Variants in ZDBF2 observed in about 807,000 individuals in gnomAD.
The protein encoded by ZDBF2 is zinc finger DBF-type containing 2.
In ZDBF2, 6 loss-of-function variants were observed where a neutral mutation model predicts 9.4. The ratio of observed to expected loss-of-function variants is 0.64; its 90% CI spans 0.35 to 1.27. The LOEUF (loss-of-function observed/expected upper bound fraction) is 1.27. Among genes scored for constraint, ZDBF2 ranks in the 50% most tolerant of loss-of-function variants. The probability of loss-of-function intolerance (pLI) is 0.03; values close to 1 mark genes in which losing one functional copy is unlikely to be tolerated. For missense variants in ZDBF2, 2,697 were observed against 2,766.8 expected (o/e 0.97, Z 0.57); for synonymous variants, 905 against 946.3 (o/e 0.96, Z 0.80).
Position 206,309,587 on chromosome 2 carries a change from G to T in ZDBF2, c.5059G>T (p.Ala1687Ser). 1.9e-6 allele frequency: 3 copies of T among 1,613,902 alleles called. No individual in the cohort carries two copies. The highest frequency in any genetic ancestry group is 2.5e-6 in the Non-Finnish European group (3 of 1,179,868). ...THRLQKAHKEASLRKDPRNAG... is the reference protein window; with the variant it reads ...THRLQKAHKESSLRKDPRNAG... Reference sequence around the variant, plus strand: ...CCGACTGCAGAAAGCTCACAAAGAAGCCAGTCTTCGGAAGGATCCAAGAAA... The same window carrying T: ...CCGACTGCAGAAAGCTCACAAAGAATCCAGTCTTCGGAAGGATCCAAGAAA... The change falls in exon 5 of 5, where the codon GCC becomes TCC. Residue 1687 changes from alanine (A) to serine (S), a missense_variant. This residue lies in a region of ZDBF2 where 1,783 missense variants were observed against 1,776.5 expected (regional missense o/e 1.00). Coordinates refer to ENST00000374423, the MANE Select transcript of ZDBF2 (RefSeq NM_020923.3).
chr2:206,308,265 A>C lies in ZDBF2; in HGVS notation c.3737A>C (p.Asp1246Ala), dbSNP rs1349882325. 10 of 1,613,936 alleles carry C rather than the reference A, an allele frequency of 6.2e-6. No individual in the cohort carries two copies. The highest frequency in any genetic ancestry group is 8.5e-6 in the Non-Finnish European group (10 of 1,179,850). ...GCTAAGGGTTTTGAAATTATGTATG[A>C]TTCTGATGTTCTTCAGCCAGTGGCT... ...NEAKGFEIMY[D>A]SDVLQPVAGQ... is the part of the protein sequence containing the mutation. Residue 1246 changes from aspartate (D) to alanine (A), a missense_variant, in exon 5 of 5, where the codon GAT (aspartate) becomes GCT (alanine). Physicochemically the swap from Asp to Ala is moderately radical, Grantham distance 126. Around this residue, in one of 3 missense-constraint regions of ZDBF2, gnomAD observed 1,783 missense variants for 1,776.5 expected, o/e 1.00. Transcript: ENST00000374423.
At chr2:206,281,735 T>G in intron 2 of ZDBF2, 66 bp from the exon 3 acceptor site, 1 of 936,226 alleles carries the variant, frequency 1.1e-6, no homozygotes. Flanking sequence ...CTGCTAATTA[T>G]CATAGCCATT....
chr2:206,277,542 A>G (rs1691082416), intron 1 of ZDBF2, among the ~76,000 whole-genome samples: 1 of 152,088 alleles, frequency 6.6e-6, no homozygotes, highest in African/African-American at 2.4e-5. Flanking sequence ...TAAAAAGGCT[A>G]TATTTGCAAA....
In ZDBF2 at chr2:206,304,988, A is replaced by G. The variant is rs775972192; in HGVS notation, c.460A>G (p.Lys154Glu). The G allele has an allele frequency of 1.2e-6, 2 of 1,613,592 alleles. No individual in the cohort carries two copies. The highest frequency in any genetic ancestry group is 1.7e-5 in the Admixed American group (1 of 59,900). The change falls in exon 5 of 5, where the codon AAA becomes GAA. Residue 154 changes from lysine to glutamate, a missense_variant. By Grantham distance (56) the Lys-to-Glu change is moderately conservative (BLOSUM62 1). Around this residue, in one of 3 missense-constraint regions of ZDBF2, gnomAD observed 910 missense variants for 973.6 expected, o/e 0.93. Transcript: ENST00000374423. Reference protein sequence around the residue: ...GQQQPLEFVHKIGASVRKCNL... With the variant: ...GQQQPLEFVHEIGASVRKCNL... The stretch of plus-strand genomic sequence containing the variant: ...GCAGCAGCCCTTGGAGTTTGTTCAT[A>G]AAATTGGGGCCAGTGTGAGAAAATG...
chr2:206,275,867 C>T (rs1244189499), intron 1 of ZDBF2, among the ~76,000 whole-genome samples: 1 of 152,106 alleles, frequency 6.6e-6, no homozygotes, highest in Non-Finnish European at 1.5e-5. Context: ...TCACTTAATA[C>T]GTGGAAGACC....
chr2:206,294,539 C>T (rs190301602), intron 3 of ZDBF2, among the ~76,000 whole-genome samples: 18 of 152,156 alleles, frequency 1.2e-4, no homozygotes, highest in Non-Finnish European at 2.1e-4. Flanking sequence ...AGGCTTGTTA[C>T]GTGGGTATGT....
At position 206,308,155 on chromosome 2, in the gene ZDBF2, A is replaced by C; in HGVS notation, c.3627A>C (p.Ser1209=). The C allele has an allele frequency of 1.9e-6, 3 of 1,613,940 alleles. No individual in the cohort carries two copies. Among genetic ancestry groups the C allele is most frequent in the Non-Finnish European group, 2.5e-6 (3 of 1,179,838 alleles). ...TTGATTCTGATGACCCTCTTCAGTC[A>C]GTGGCTGACCGGCTGAGAGAAACCG... The part of the protein sequence containing the change: ...VSFDSDDPLQ[S]VADRLRETVK... Residue 1209 remains serine (S), a synonymous_variant, in exon 5 of 5, where the codon TCA becomes TCC. Coordinates refer to ENST00000374423, the MANE Select transcript of ZDBF2 (RefSeq NM_020923.3).
chr2:206,275,722 G>T (rs1690961477), intron 1 of ZDBF2, among the ~76,000 whole-genome samples: 1 of 152,136 alleles, frequency 6.6e-6, no homozygotes, highest in Admixed American at 6.5e-5. Flanking sequence ...GAGGGGGAGG[G>T]ACGATGGAGG....
Position 206,308,714 on chromosome 2 carries a change from A to G in ZDBF2, c.4186A>G (p.Ile1396Val). The G allele has an allele frequency of 6.2e-7, 1 of 1,612,994 alleles. No individual in the cohort carries two copies. Among genetic ancestry groups the G allele is most frequent in the Non-Finnish European group, 8.5e-7 (1 of 1,179,784 alleles). Residue 1396 changes from isoleucine (I) to valine (V), a missense_variant, in exon 5 of 5, where the codon ATT (isoleucine) becomes GTT (valine). Physicochemically the swap from Ile to Val is conservative, Grantham distance 29. Coordinates refer to ENST00000374423, the MANE Select transcript of ZDBF2 (RefSeq NM_020923.3). ...KEINLWKEDH[I>V]YLEDKSYKLG... is the part of the protein sequence containing the mutation. ...AATAAATCTTTGGAAGGAAGACCAT[A>G]TTTACCTGGAAGATAAGAGCTATAA...
chr2:206,307,745 A>T lies in ZDBF2; in HGVS notation c.3217A>T (p.Ser1073Cys), dbSNP rs561782755. Residue 1073 changes from serine (S) to cysteine (C), a missense_variant, in exon 5 of 5, where the codon AGT (serine) becomes TGT (cysteine). Around this residue, in one of 3 missense-constraint regions of ZDBF2, gnomAD observed 1,783 missense variants for 1,776.5 expected, o/e 1.00. Transcript: ENST00000374423. The part of the protein sequence containing the change: ...EKHVNLKDKN[S>C]KSGDSKITFD... The stretch of plus-strand genomic sequence containing the variant: ...ACATGTTAATCTGAAGGACAAAAAC[A>T]GTAAATCAGGTGATTCTAAAATAAC... The T allele has an allele frequency of 6.2e-7, 1 of 1,613,112 alleles. No homozygotes were observed. The highest frequency in any genetic ancestry group is 1.3e-5 in the African/African-American group (1 of 75,022).
chr2:206,310,392 T>A lies in ZDBF2; in HGVS notation c.5864T>A (p.Val1955Glu). The A allele has an allele frequency of 6.2e-7, 1 of 1,613,684 alleles. No individual in the cohort carries two copies. Among genetic ancestry groups the A allele is most frequent in the Non-Finnish European group, 8.5e-7 (1 of 1,179,852 alleles). Reference protein sequence around the residue: ...STQTSCKNYPVMKRKIIRQEE... With the variant: ...STQTSCKNYPEMKRKIIRQEE... The stretch of plus-strand genomic sequence containing the variant: ...CAGACCAGTTGTAAGAATTACCCAG[T>A]GATGAAAAGAAAAATAATTAGACAA... Residue 1955 changes from valine to glutamate, a missense_variant, in exon 5 of 5, where the codon GTG becomes GAG. Val to Glu is a moderately radical substitution (Grantham distance 121). Around this residue, in one of 3 missense-constraint regions of ZDBF2, gnomAD observed 1,783 missense variants for 1,776.5 expected, o/e 1.00. Coordinates refer to ENST00000374423, the MANE Select transcript of ZDBF2 (RefSeq NM_020923.3).
chr2:206,311,296 C>T lies in ZDBF2; in HGVS notation c.6768C>T (p.Val2256=). The T allele has an allele frequency of 6.2e-7, 1 of 1,607,108 alleles. No homozygotes were observed. The highest frequency in any genetic ancestry group is 1.1e-5 in the South Asian group (1 of 90,020). ...ATCTGAAGAAGAAAAAATCTGTTGT[C>T]AGTAGGCTAAAGAAGGCGAAGAGAA... ...GRYLKKKKSV[V]SRLKKAKRTA... is the part of the protein sequence containing the mutation. The change falls in exon 5 of 5, where the codon GTC becomes GTT. Residue 2256 remains valine (V), a synonymous_variant. Transcript: ENST00000374423.
In ZDBF2 at chr2:206,305,681, T is replaced by G. The variant is rs1284302497; in HGVS notation, c.1153T>G (p.Leu385Val). The change falls in exon 5 of 5, where the codon TTA (leucine) becomes GTA (valine). Residue 385 changes from leucine (L) to valine (V), a missense_variant. Transcript: ENST00000374423. ...SDQPQETAQD[L>V]SLWKEEQIDQ... Reference sequence around the variant, plus strand: ...TCAGCCCCAAGAGACTGCACAAGACTTAAGTCTTTGGAAGGAGGAGCAAAT... The same window carrying G: ...TCAGCCCCAAGAGACTGCACAAGACGTAAGTCTTTGGAAGGAGGAGCAAAT... 6.2e-7 allele frequency: 1 copy of G among 1,613,698 alleles called. No homozygotes were observed. The highest frequency in any genetic ancestry group is 2.2e-5 in the East Asian group (1 of 44,860).
intron 3 of ZDBF2, among the ~76,000 whole-genome samples, chr2:206,283,382 TG>T (rs1453928864): frequency 1.3e-5 from 2 of 151,500 alleles, no homozygotes; most frequent in African/African-American, 2.4e-5. Context: ...TTGTCTGTTT[TG>T]TTTTTTGTTG....
intron 3 of ZDBF2, among the ~76,000 whole-genome samples, chr2:206,284,043 G>A (rs1691473694): frequency 6.6e-6 from 1 of 152,186 alleles, no homozygotes; most frequent in Admixed American, 6.5e-5. Flanking sequence ...TTTGGTGTCA[G>A]AAGGGTTGCC....
chr2:206,303,804 A>G (rs967234681), intron 4 of ZDBF2, among the ~76,000 whole-genome samples: 5 of 152,162 alleles, frequency 3.3e-5, no homozygotes, highest in African/African-American at 4.8e-5. Context: ...TATTTTACAT[A>G]AATGGTAGCT....
chr2:206,291,250 C>T (rs1318868873), intron 3 of ZDBF2, among the ~76,000 whole-genome samples: 2 of 152,194 alleles, frequency 1.3e-5, no homozygotes, highest in African/African-American at 4.8e-5. Flanking sequence ...AACTGTTCCA[C>T]CTCAGATCAT....
rs145891201 is a variant in ZDBF2 at position 206,307,099 on chromosome 2, C to T, written c.2571C>T (p.Tyr857=). 31 of 1,611,858 alleles carry T rather than the reference C, an allele frequency of 1.9e-5. No homozygotes were observed. In the East Asian group the frequency reaches 6.7e-4, roughly 35 times the overall value. The part of the protein sequence containing the change: ...AVKEVIQKEE[Y]IHLERKNDEP... ...AAGAAGTAATTCAGAAAGAAGAGTA[C>T]ATTCACTTAGAAAGGAAGAATGATG... Residue 857 remains tyrosine, a synonymous_variant, in exon 5 of 5, where the codon TAC becomes TAT. Transcript: ENST00000374423.
chr2:206,277,874 T>C (rs1691108499), intron 1 of ZDBF2, among the ~76,000 whole-genome samples: 1 of 152,200 alleles, frequency 6.6e-6, no homozygotes, highest in African/African-American at 2.4e-5. Flanking sequence ...ATCTTACTGA[T>C]TGACTTTAAG....
Sources: allele counts gnomAD v4.1 joint callset (sites outside exome capture counted in the v4.1 genomes callset), GRCh38; gene constraint gnomAD v4.1.1; regional missense constraint gnomAD v4.1.1; transcripts MANE v1.5; gene names NCBI Gene and HGNC (gene_info 2026-07-23, HGNC 2026-07-21).